Variants in ERBB4 observed in about 807,000 individuals in gnomAD.
ERBB4 encodes receptor tyrosine-protein kinase erbB-4.
In ERBB4, 42 loss-of-function variants were observed where a neutral mutation model predicts 158.0. That is an observed-to-expected ratio of 0.27 (90% CI 0.21 to 0.34). The LOEUF is 0.34. Ranked by LOEUF, ERBB4 falls within the 10% of genes least tolerant of loss-of-function variation. The pLI is 1.00. For missense variants in ERBB4, 1,333 were observed against 1,624.1 expected, an observed-to-expected ratio of 0.82 and a Z score of 3.08; for synonymous variants, 583 against 558.7, an observed-to-expected ratio of 1.04 and a Z score of -0.61.
At position 212,099,595 on chromosome 2, in the gene ERBB4, T is replaced by G. The variant is rs551500443; in HGVS notation, c.234+25157A>C. On this transcript the variant is annotated intron_variant, in intron 2 of 27. Transcript: ENST00000342788. ...ATAGCCATAGATATGAAATGATGACTTCTCCCGGGGCATACAAACATATTG... is the reference window on the plus strand; with the variant it reads ...ATAGCCATAGATATGAAATGATGACGTCTCCCGGGGCATACAAACATATTG... Among the ~76,000 whole-genome samples, 35 of 152,306 alleles carry G rather than the reference T, an allele frequency of 2.3e-4. 1 individual carries two copies. Among genetic ancestry groups the G allele is most frequent in the African/African-American group, 7.9e-4 (33 of 41,580 alleles).
At chr2:211,964,058 GAC>G (rs1242902440) in intron 2 of ERBB4, among the ~76,000 whole-genome samples, 2 of 152,126 alleles carry the variant, frequency 1.3e-5, no homozygotes, top group East Asian at 3.9e-4. Context: ...ACTGGACAAA[GAC>G]ACATGGTATT....
At chr2:212,083,412 T>A (rs920229393) in intron 2 of ERBB4, among the ~76,000 whole-genome samples, 1 of 151,966 alleles carries the variant, frequency 6.6e-6, no homozygotes, top group African/African-American at 2.4e-5. Context: ...CCAAGGTTGA[T>A]TTAGGTCTCG....
At chr2:211,660,177 T>TA (rs1359224093) in intron 15 of ERBB4, among the ~76,000 whole-genome samples, 4 of 152,246 alleles carry the variant, frequency 2.6e-5, no homozygotes, top group South Asian at 2.1e-4. Context: ...TAACAATCAA[T>TA]AAAAAATCAC....
chr2:211,444,153 A>AAACG (rs397738855), intron 20 of ERBB4, among the ~76,000 whole-genome samples: 1 of 151,314 alleles, frequency 6.6e-6, no homozygotes, highest in East Asian at 1.9e-4. Context: ...TCTGTATAAC[A>AAACG]TTTCACTTTA....
intron 1 of ERBB4, among the ~76,000 whole-genome samples, chr2:212,297,496 A>G (rs1391420463): frequency 1.3e-5 from 2 of 151,966 alleles, no homozygotes; most frequent in African/African-American, 4.8e-5. Flanking sequence ...CATAAATGTT[A>G]TAACACTAAA....
At chr2:211,598,311 A>T (rs1434341799) in intron 19 of ERBB4, among the ~76,000 whole-genome samples, 2 of 152,078 alleles carry the variant, frequency 1.3e-5, no homozygotes. Flanking sequence ...GAACTGGAAA[A>T]AATGAACCCT....
At chr2:212,285,332 CT>C (rs1432440000) in intron 1 of ERBB4, among the ~76,000 whole-genome samples, 2 of 152,000 alleles carry the variant, frequency 1.3e-5, no homozygotes, top group Non-Finnish European at 2.9e-5. Context: ...TTTCTCACCC[CT>C]GCAGGCTTGT....
intron 20 of ERBB4, among the ~76,000 whole-genome samples, chr2:211,509,681 T>TA (rs1033093760): frequency 1.3e-5 from 2 of 151,956 alleles, no homozygotes; most frequent in Admixed American, 6.6e-5. Flanking sequence ...GAGAGAATAT[T>TA]AAAAAATTAT....
intron 2 of ERBB4, among the ~76,000 whole-genome samples, chr2:211,996,922 T>G (rs1277093164): frequency 6.6e-6 from 1 of 152,218 alleles, no homozygotes; most frequent in African/African-American, 2.4e-5. Flanking sequence ...AAAGAGATTT[T>G]AACTGCTTTT....
rs1575104715 is a variant in ERBB4 at position 212,537,809 on chromosome 2, AG to A, written c.82+639del. 2.0e-5 allele frequency among the ~76,000 whole-genome samples: 3 copies of A among 147,260 alleles called. No individual in the cohort carries two copies. In the East Asian group the frequency reaches 6.0e-4, roughly 29 times the overall value. ...AAGCGCCCCTCAAGTCAATGGGGAG[AG>A]GGCTCCGGGAAGCCGGCGGAAGAGG... is the stretch of plus-strand genomic sequence containing the variant. On this transcript the variant is annotated intron_variant, in intron 1 of 27. Transcript: ENST00000342788.
At chr2:212,051,816 T>G (rs2077407603) in intron 2 of ERBB4, among the ~76,000 whole-genome samples, 1 of 152,188 alleles carries the variant, frequency 6.6e-6, no homozygotes, top group African/African-American at 2.4e-5. Context: ...AAAAATATGA[T>G]TACCTCTCAG....
At chr2:211,643,718 G>T (rs1574913596) in intron 16 of ERBB4, among the ~76,000 whole-genome samples, 1 of 151,834 alleles carries the variant, frequency 6.6e-6, no homozygotes, top group South Asian at 2.1e-4. Context: ...TAGGCTTTAC[G>T]TGTATCAGAC....
chr2:211,779,580 T>C (rs1461144133), intron 4 of ERBB4: 2 of 152,212 alleles, frequency 1.3e-5, no homozygotes, highest in Non-Finnish European at 2.9e-5. Context: ...CCACGTGAAA[T>C]ATTATCTTAT....
intron 1 of ERBB4, among the ~76,000 whole-genome samples, chr2:212,241,029 T>C (rs1257444710): frequency 1.3e-5 from 2 of 152,160 alleles, no homozygotes; most frequent in African/African-American, 4.8e-5. Context: ...TGAAATCAGA[T>C]ATAAAAATGT....
chr2:211,480,554 C>G (rs2065057560), intron 20 of ERBB4, among the ~76,000 whole-genome samples: 1 of 152,090 alleles, frequency 6.6e-6, no homozygotes, highest in Admixed American at 6.6e-5. Flanking sequence ...AGATATGCTG[C>G]CTGTACAAGC....
chr2:211,934,773 A>C (rs925270642), intron 3 of ERBB4, among the ~76,000 whole-genome samples: 2 of 151,936 alleles, frequency 1.3e-5, no homozygotes, highest in African/African-American at 4.8e-5. Context: ...TTATTATTTT[A>C]GTTCCCTGTG....
chr2:212,370,433 CA>C (rs774768840), intron 1 of ERBB4, among the ~76,000 whole-genome samples: 15 of 151,996 alleles, frequency 9.9e-5, no homozygotes, highest in Non-Finnish European at 1.8e-4. Flanking sequence ...AGGCACCAGC[CA>C]AAAATCTAAT....
At chr2:211,999,976 C>T (rs746381703) in intron 2 of ERBB4, among the ~76,000 whole-genome samples, 12 of 151,664 alleles carry the variant, frequency 7.9e-5, no homozygotes, top group East Asian at 5.8e-4. Flanking sequence ...TCTCTAGTCA[C>T]GGTATAATAG....
At chr2:211,791,644 A>C (rs1028605192) in intron 3 of ERBB4, among the ~76,000 whole-genome samples, 35 of 151,888 alleles carry the variant, frequency 2.3e-4, no homozygotes, top group African/African-American at 8.0e-4. Context: ...GAATCAATTG[A>C]TAGAAAAAAG....
Sources: gnomAD v4.1 joint callset for allele counts (sites outside exome capture counted in the v4.1 genomes callset) on GRCh38, gnomAD v4.1.1 for gene constraint, MANE v1.5 for transcripts, NCBI Gene and HGNC (gene_info 2026-07-23, HGNC 2026-07-21) for gene names.